Variants in CANT1 observed in about 807,000 individuals in gnomAD.
The protein encoded by CANT1 is calcium activated nucleotidase 1, also known as soluble calcium-activated nucleotidase 1.
In CANT1, 26 loss-of-function variants were observed where a neutral mutation model predicts 30.0. The observed-to-expected ratio is 0.87, with a 90% CI of 0.64 to 1.20. CANT1 has a LOEUF of 1.20. CANT1 is among the 50% of genes most tolerant of loss of function. The probability of loss-of-function intolerance (pLI) is 0.00; values close to 1 mark genes in which losing one functional copy is unlikely to be tolerated. For missense variants in CANT1, 518 were observed against 563.0 expected (o/e 0.92, Z 0.81); for synonymous variants, 246 against 251.8 (o/e 0.98, Z 0.22).
At chr17:79,007,546 A>C (rs1290908444) in intron 1 of CANT1, among the ~76,000 whole-genome samples, 1 of 152,208 alleles carries the variant, frequency 6.6e-6, no homozygotes, top group Non-Finnish European at 1.5e-5. Context: ...GAAAGTACCG[A>C]GACTCCGAGG....
At chr17:79,003,547 G>A (rs138315139) in intron 1 of CANT1, among the ~76,000 whole-genome samples, 59 of 152,266 alleles carry the variant, frequency 3.9e-4, no homozygotes, top group Middle Eastern at 3.4e-3. Flanking sequence ...GTCCTTTCCA[G>A]AAGGGGCTCG....
In CANT1 at chr17:78,993,039, C is replaced by A; in HGVS notation, c.*511G>T. 3.1e-6 allele frequency: 1 copy of A among 318,996 alleles called. No individual in the cohort carries two copies. The highest frequency in any genetic ancestry group is 5.9e-6 in the Non-Finnish European group (1 of 168,592). The allele number at this position is 318,996 out of a possible 1,614,324, so 19.8% of individuals were successfully genotyped here. ...CCCAGGGGCCTGCCCTCACTCGTGA[C>A]CATGCAATACCCTGCAACATAAACA... On this transcript the variant is annotated 3_prime_UTR_variant, in exon 5 of 5. Coordinates refer to ENST00000392446, the MANE Select transcript of CANT1 (RefSeq NM_001159773.2). This position sits in a 1 kb window ranked among gnomAD's most constrained non-coding sequence, Gnocchi z 4.5.
intron 1 of CANT1, among the ~76,000 whole-genome samples, chr17:78,999,211 G>C (rs1038860416): frequency 3.2e-4 from 48 of 152,262 alleles, no homozygotes; most frequent in Non-Finnish European, 6.3e-4. Flanking sequence ...AACAGCACAG[G>C]GGGGCTGCCA....
intron 1 of CANT1, among the ~76,000 whole-genome samples, chr17:79,006,675 C>A (rs1386778278): frequency 6.6e-6 from 1 of 152,192 alleles, no homozygotes. Flanking sequence ...GGAATTTTAG[C>A]CAAAAGGCGA....
rs7219932 is a variant in CANT1 at position 79,009,611 on chromosome 17, T to C, written c.-147+53A>G. The C allele has an allele frequency of 0.97, 147,294 of 152,608 alleles. 71,117 individuals carry two copies. Among genetic ancestry groups the C allele is most frequent in the East Asian group, 1 (5,128 of 5,128 alleles). The allele number at this position is 152,608 out of a possible 1,614,324, so 9.5% of individuals were successfully genotyped here. ...GCGGCGGCAGGCTCCGGGACGGGGG[T>C]CCGGGCCCGTGGCTGGGGCAGGGCG... On this transcript the variant is annotated intron_variant, in intron 1 of 4. Coordinates refer to ENST00000392446, the MANE Select transcript of CANT1 (RefSeq NM_001159773.2).
intron 1 of CANT1, among the ~76,000 whole-genome samples, chr17:79,007,854 G>T (rs535494611): frequency 2.6e-5 from 4 of 152,218 alleles, no homozygotes; most frequent in African/African-American, 9.6e-5. Context: ...AATCAGAAGC[G>T]TCAAGCCTCA....
In CANT1 at chr17:79,008,457, G is replaced by C. The variant is rs2071628221; in HGVS notation, c.-147+1207C>G. Among the ~76,000 whole-genome samples the C allele has an allele frequency of 6.6e-6, 1 of 152,214 alleles. No individual in the cohort carries two copies. Among genetic ancestry groups the C allele is most frequent in the Non-Finnish European group, 1.5e-5 (1 of 68,038 alleles). Reference sequence around the variant, plus strand: ...CAAGTTTGGGCCCTTACACTGGAGAGCTAGCCGGATTCACTTGACACCAAG... The same window carrying C: ...CAAGTTTGGGCCCTTACACTGGAGACCTAGCCGGATTCACTTGACACCAAG... On this transcript the variant is annotated intron_variant, in intron 1 of 4. Transcript: ENST00000392446. The surrounding 1 kb of genome is among the most constrained non-coding windows in gnomAD (Gnocchi z 4.4).
Position 78,997,317 on chromosome 17 carries a change from C to A in CANT1, c.306G>T (p.Gly102=). 6.2e-7 allele frequency: 1 copy of A among 1,614,172 alleles called. No individual in the cohort carries two copies. Among genetic ancestry groups the A allele is most frequent in the Non-Finnish European group, 8.5e-7 (1 of 1,180,032 alleles). ...CGATAACTGCGATTCGATACCGAAT[C>A]CCAGCCGGTGTCCTTTGTGGGGGAG... ...PLSPPQRTPA[G]IRYRIAVIAD... Residue 102 remains glycine, a synonymous_variant, in exon 3 of 5, where the codon GGG becomes GGT. Transcript: ENST00000392446. The surrounding 1 kb of genome is among the most constrained non-coding windows in gnomAD (Gnocchi z 7.5).
Position 78,992,889 on chromosome 17 carries a change from C to G in CANT1, c.*661G>C. 2.8e-6 allele frequency: 1 copy of G among 355,524 alleles called. No homozygotes were observed. The highest frequency in any genetic ancestry group is 4.6e-5 in the East Asian group (1 of 21,798). The allele number at this position is 355,524 out of a possible 1,614,324, so 22.0% of individuals were successfully genotyped here. On this transcript the variant is annotated 3_prime_UTR_variant, in exon 5 of 5. Coordinates refer to ENST00000392446, the MANE Select transcript of CANT1 (RefSeq NM_001159773.2). ...TTAAAACTTCAAAGTACTGCACAGC[C>G]ACAGAATTTTCTTGAAGGGAGAAAG... is the stretch of plus-strand genomic sequence containing the variant.
rs771423935 is a variant in CANT1 at position 78,993,951 on chromosome 17, G to C, written c.836-31C>G. ...AACCGGGTGACCGCGGGTCAGACAC[G>C]CATGCGGCCTGGTGTGCCCAGCCCC... On this transcript the variant is annotated intron_variant, in intron 4 of 4. Coordinates refer to ENST00000392446, the MANE Select transcript of CANT1 (RefSeq NM_001159773.2). This position sits in a 1 kb window ranked among gnomAD's most constrained non-coding sequence, Gnocchi z 4.5. The C allele has an allele frequency of 1.9e-6, 3 of 1,545,318 alleles. No individual in the cohort carries two copies. The highest frequency in any genetic ancestry group is 1.7e-6 in the Non-Finnish European group (2 of 1,153,208).
Position 78,992,726 on chromosome 17 carries a change from C to G in CANT1, c.*824G>C. ...ACGCCGACATGTGAGACTTGCTTCA[C>G]CAGCCGCCACCGCTTCCTTACAATC... On this transcript the variant is annotated 3_prime_UTR_variant, in exon 5 of 5. Coordinates refer to ENST00000392446, the MANE Select transcript of CANT1 (RefSeq NM_001159773.2). 1 of 596,762 alleles carries G rather than the reference C, an allele frequency of 1.7e-6. No individual in the cohort carries two copies. Among genetic ancestry groups the G allele is most frequent in the Non-Finnish European group, 3.2e-6 (1 of 308,300 alleles). The allele number at this position is 596,762 out of a possible 1,614,324, so 37.0% of individuals were successfully genotyped here.
In CANT1 at chr17:78,995,874, C is replaced by T. The variant is rs773224930; in HGVS notation, c.632-653G>A. Among the ~76,000 whole-genome samples, 11 of 152,126 alleles carry T rather than the reference C, an allele frequency of 7.2e-5. No homozygotes were observed. The highest frequency in any genetic ancestry group is 1.2e-4 in the Non-Finnish European group (8 of 67,970). On this transcript the variant is annotated intron_variant, in intron 3 of 4. Transcript: ENST00000392446. This position sits in a 1 kb window ranked among gnomAD's most constrained non-coding sequence, Gnocchi z 5.7. ...CTGGAGCTGTGCCCTCTGAACTGCC[C>T]GAGACTGTAGTAGCTTCTCTGCAGG...
Position 78,996,974 on chromosome 17 carries a change from A to C in CANT1, c.631+18T>G. Reference sequence around the variant, plus strand: ...CACTCCCCACCCACACCTCCATAAAACCTCAGGGTCCAGTTACCTTTCTCC... The same window carrying C: ...CACTCCCCACCCACACCTCCATAAACCCTCAGGGTCCAGTTACCTTTCTCC... On this transcript the variant is annotated intron_variant, in intron 3 of 4. Coordinates refer to ENST00000392446, the MANE Select transcript of CANT1 (RefSeq NM_001159773.2). This position sits in a 1 kb window ranked among gnomAD's most constrained non-coding sequence, Gnocchi z 5.1. 6.2e-7 allele frequency: 1 copy of C among 1,612,812 alleles called. No individual in the cohort carries two copies. The highest frequency in any genetic ancestry group is 8.5e-7 in the Non-Finnish European group (1 of 1,179,846).
Position 78,993,312 on chromosome 17 carries a change from A to G in CANT1, c.*238T>C. 1 of 571,558 alleles carries G rather than the reference A, an allele frequency of 1.7e-6. No homozygotes were observed. Among genetic ancestry groups the G allele is most frequent in the Non-Finnish European group, 3.1e-6 (1 of 321,514 alleles). 35.4% of individuals were successfully genotyped at this position (571,558 alleles called of 1,614,324 possible). A position where few individuals can be genotyped will look rare whatever the true frequency, so the allele number is the denominator to read the frequency against. On this transcript the variant is annotated 3_prime_UTR_variant, in exon 5 of 5. Transcript: ENST00000392446. This position sits in a 1 kb window ranked among gnomAD's most constrained non-coding sequence, Gnocchi z 4.5. ...AGCCAGTTAGGCAGGCCTTGAGTCA[A>G]TGCCTGAAGTGACCGAAATCACCAC...
At position 78,996,055 on chromosome 17, in the gene CANT1, A is replaced by C. The variant is rs921374723; in HGVS notation, c.632-834T>G. Among the ~76,000 whole-genome samples the C allele has an allele frequency of 1.3e-5, 2 of 152,172 alleles. No homozygotes were observed. The highest frequency in any genetic ancestry group is 4.8e-5 in the African/African-American group (2 of 41,442). On this transcript the variant is annotated intron_variant, in intron 3 of 4. Coordinates refer to ENST00000392446, the MANE Select transcript of CANT1 (RefSeq NM_001159773.2). The surrounding 1 kb of genome is among the most constrained non-coding windows in gnomAD (Gnocchi z 5.1). The stretch of plus-strand genomic sequence containing the variant: ...CTATCCAAGGGAAGGACAGAACTAC[A>C]CTAGGGTTGCCTAAAACCCTGACAA...
rs1329564747 is a variant in CANT1 at position 78,997,842 on chromosome 17, T to A, written c.-25A>T. 2.1e-6 allele frequency: 1 copy of A among 478,020 alleles called. No homozygotes were observed. Among genetic ancestry groups the A allele is most frequent in the Non-Finnish European group, 3.6e-6 (1 of 276,130 alleles). The allele number at this position is 478,020 out of a possible 1,614,324, so 29.6% of individuals were successfully genotyped here. On this transcript the variant is annotated splice_region_variant and 5_prime_UTR_variant, in exon 2 of 5. It introduces an in-frame stop codon into an upstream open reading frame of the 5' UTR. Coordinates refer to ENST00000392446, the MANE Select transcript of CANT1 (RefSeq NM_001159773.2). This position sits in a 1 kb window ranked among gnomAD's most constrained non-coding sequence, Gnocchi z 7.5. ...ACTCTAGCAGTATCTTTGCTTACTTTCATTCGGCAAGACGTGAAGTCTTTC... is the reference window on the plus strand; with the variant it reads ...ACTCTAGCAGTATCTTTGCTTACTTACATTCGGCAAGACGTGAAGTCTTTC...
In CANT1 at chr17:78,997,973, G is replaced by C. The variant is rs185207255; in HGVS notation, c.-146-10C>G. ...GTGCTCTGTGGTCCCTCTAAAGAGA[G>C]AAGCGCAGGAGAGTCAGGTGGGAGG... On this transcript the variant is annotated splice_polypyrimidine_tract_variant and intron_variant, in intron 1 of 4. Coordinates refer to ENST00000392446, the MANE Select transcript of CANT1 (RefSeq NM_001159773.2). The surrounding 1 kb of genome is among the most constrained non-coding windows in gnomAD (Gnocchi z 7.5). The C allele has an allele frequency of 8.5e-5, 25 of 293,738 alleles. No homozygotes were observed. The Admixed American group carries it at 9.7e-4, about 11-fold the overall frequency. 18.2% of individuals were successfully genotyped at this position (293,738 alleles called of 1,614,324 possible).
In CANT1 at chr17:78,993,751, G is replaced by A. The variant is rs759016417; in HGVS notation, c.1005C>T (p.Val335=). 1.2e-5 allele frequency: 19 copies of A among 1,613,628 alleles called. No homozygotes were observed. Among genetic ancestry groups the A allele is most frequent in the East Asian group, 1.1e-4 (5 of 44,894 alleles). The change falls in exon 5 of 5, where the codon GTC becomes GTT. Residue 335 remains valine (V), a synonymous_variant. Coordinates refer to ENST00000392446, the MANE Select transcript of CANT1 (RefSeq NM_001159773.2). This position sits in a 1 kb window ranked among gnomAD's most constrained non-coding sequence, Gnocchi z 4.5. ...AGCCGTGAGTGGGGACCACCGCCCCGACGTGGCTCACAGCGATGTCGCCGA... is the reference window on the plus strand; with the variant it reads ...AGCCGTGAGTGGGGACCACCGCCCCAACGTGGCTCACAGCGATGTCGCCGA... The part of the protein sequence containing the change: ...PDFGDIAVSH[V]GAVVPTHGFS...
Position 78,998,514 on chromosome 17 carries a change from T to C in CANT1, c.-146-551A>G, listed in dbSNP as rs954742006. Among the ~76,000 whole-genome samples, 6 of 152,204 alleles carry C rather than the reference T, an allele frequency of 3.9e-5. No individual in the cohort carries two copies. The highest frequency in any genetic ancestry group is 1.4e-4 in the African/African-American group (6 of 41,454). On this transcript the variant is annotated intron_variant, in intron 1 of 4. Transcript: ENST00000392446. The surrounding 1 kb of genome is among the most constrained non-coding windows in gnomAD (Gnocchi z 4.5). ...GCGGGGCCTGGCTCGGCCGCAGGCC[T>C]CTCCCAGCTCACCCTCCACCCCAGG... is the stretch of plus-strand genomic sequence containing the variant.
Sources: gnomAD v4.1 joint callset for allele counts (sites outside exome capture counted in the v4.1 genomes callset) on GRCh38, gnomAD v4.1.1 for gene constraint, Gnocchi (gnomAD v3.1) non-coding constraint, MANE v1.5 for transcripts, NCBI Gene and HGNC (gene_info 2026-07-23, HGNC 2026-07-21) for gene names.